The following MEGF11 variants were observed in gnomAD, a reference collection of about 807,000 sequenced individuals.
MEGF11 encodes multiple EGF like domains 11, also known as multiple epidermal growth factor-like domains protein 11.
Under a neutral mutation model 146.6 loss-of-function variants are expected in MEGF11, and 126 were observed. The observed-to-expected ratio is 0.86, with a 90% CI of 0.74 to 1.00. The LOEUF (loss-of-function observed/expected upper bound fraction) is 1.00. Ranked by LOEUF, MEGF11 falls within the 50% of genes least tolerant of loss-of-function variation. The pLI is 0.00. For synonymous variants in MEGF11, 532 were observed against 583.4 expected (o/e 0.91, Z 1.27); for missense variants, 1,509 against 1,521.2 (o/e 0.99, Z 0.13).
At chr15:66,053,510 C>A (rs1276388413) in intron 5 of MEGF11, among the ~76,000 whole-genome samples, 1 of 151,938 alleles carries the variant, frequency 6.6e-6, no homozygotes, top group Non-Finnish European at 1.5e-5. Flanking sequence ...GTTCCCCAAC[C>A]CAACAGCAGT....
At chr15:65,951,925 C>T (rs1276692178) in intron 10 of MEGF11, among the ~76,000 whole-genome samples, 2 of 151,688 alleles carry the variant, frequency 1.3e-5, no homozygotes, top group Non-Finnish European at 2.9e-5. Context: ...TCACTTGAGC[C>T]CAGGAGTTTG....
chr15:66,045,565 A>G (rs1567216236), intron 5 of MEGF11, among the ~76,000 whole-genome samples: 1 of 152,192 alleles, frequency 6.6e-6, no homozygotes, highest in Non-Finnish European at 1.5e-5. Flanking sequence ...CCTTGTAGCC[A>G]GGCAGGTCTG....
chr15:66,018,599 G>A (rs769426722), intron 5 of MEGF11, among the ~76,000 whole-genome samples: 2 of 152,184 alleles, frequency 1.3e-5, no homozygotes, highest in African/African-American at 2.4e-5. Context: ...GGGAGAGGGT[G>A]TGCGTGTGCA....
At chr15:65,918,504 C>A (rs370828753) in intron 15 of MEGF11, among the ~76,000 whole-genome samples, 1 of 152,194 alleles carries the variant, frequency 6.6e-6, no homozygotes, top group African/African-American at 2.4e-5. Flanking sequence ...TCCACAACCA[C>A]GAGGGTAGAG....
rs1484204024 is a variant in MEGF11, at chr15:66,228,547, G to A, written c.-9+25058C>T. 2.6e-5 allele frequency among the ~76,000 whole-genome samples: 4 copies of A among 152,276 alleles called. No homozygotes were observed. In the East Asian group the frequency reaches 5.8e-4, roughly 22 times the overall value. ...CCAGGCCAAGAGGCCTGCAGGGCAC[G>A]AGCTCTTGGGCCCCAGAAATAACAG... On this transcript the variant is annotated intron_variant, in intron 1 of 25. Transcript: ENST00000395614.
intron 5 of MEGF11, among the ~76,000 whole-genome samples, chr15:66,049,735 T>C (rs184855896): frequency 2.2e-4 from 34 of 152,160 alleles, no homozygotes; most frequent in Admixed American, 5.9e-4. Flanking sequence ...GCAGAAAGAG[T>C]GGCAACTGGG....
intron 1 of MEGF11, among the ~76,000 whole-genome samples, chr15:66,131,458 T>C (rs2140973609): frequency 6.6e-6 from 1 of 152,354 alleles, no homozygotes; most frequent in Non-Finnish European, 1.5e-5. Context: ...GGACTTGGAC[T>C]GGATGGTGTA....
intron 15 of MEGF11, among the ~76,000 whole-genome samples, chr15:65,921,313 G>A (rs1371298702): frequency 6.6e-6 from 1 of 152,110 alleles, no homozygotes; most frequent in African/African-American, 2.4e-5. Context: ...CTCCTTTCAG[G>A]TTAGAATGCA....
intron 5 of MEGF11, among the ~76,000 whole-genome samples, chr15:66,018,468 G>C (rs1202759124): frequency 1.3e-5 from 2 of 152,258 alleles, no homozygotes; most frequent in African/African-American, 4.8e-5. Context: ...TGTGGTTTCT[G>C]TGCAGTGCAT....
rs60932678 is a variant in MEGF11 at position 66,033,078 on chromosome 15, C to CAAAAAAAAAAAA, written c.395-50602_395-50591dup. 1.4e-3 allele frequency among the ~76,000 whole-genome samples: 112 copies of CAAAAAAAAAAAA among 80,602 alleles called. 1 individual carries two copies. The highest frequency in any genetic ancestry group is 2.8e-3 in the African/African-American group (52 of 18,672). 52.9% of individuals were successfully genotyped at this position (80,602 alleles called of 152,430 possible). ...CCTGGGTGACAGAGTGAGACTCCAT[C>CAAAAAAAAAAAA]AAAAAAAAAAAAAAAAAAAAAAAAA... is the stretch of plus-strand genomic sequence containing the variant. On this transcript the variant is annotated intron_variant, in intron 5 of 25. Transcript: ENST00000395614.
In MEGF11 at chr15:65,965,015, A is replaced by T. The variant is rs1259366629; in HGVS notation, c.1005T>A (p.Cys335Ter). The change falls in exon 9 of 26, where the codon TGT (cysteine) becomes TGA (stop). Residue 335 changes from cysteine (C) to a stop codon, truncating the protein, a stop_gained. Transcript: ENST00000395614. LOFTEE classifies it high-confidence loss of function. ...AGCGTGGGCCCTTGTAGCCAGGCTC[A>T]CACTCGCAGGCACCCGTGGTGGGTG... Reference protein sequence around the residue: ...QCSPTTGACECEPGYKGPRCQ... With the variant: ...QCSPTTGACE 1.3e-6 allele frequency: 2 copies of T among 1,575,182 alleles called. No homozygotes were observed. The highest frequency in any genetic ancestry group is 2.7e-5 in the African/African-American group (2 of 74,040).
intron 4 of MEGF11, among the ~76,000 whole-genome samples, chr15:66,118,310 G>T (rs1171557411): frequency 2.0e-5 from 3 of 152,054 alleles, no homozygotes; most frequent in Admixed American, 6.6e-5. Flanking sequence ...TAAGTGTCTT[G>T]CCGAAAGCCC....
chr15:66,222,771 T>C (rs2091767595), intron 1 of MEGF11, among the ~76,000 whole-genome samples: 1 of 152,116 alleles, frequency 6.6e-6, no homozygotes. Flanking sequence ...GAAATGCAAA[T>C]AAAAACCACT....
intron 5 of MEGF11, among the ~76,000 whole-genome samples, chr15:65,994,736 G>A (rs2082151687): frequency 6.6e-6 from 1 of 152,228 alleles, no homozygotes; most frequent in Non-Finnish European, 1.5e-5. Flanking sequence ...GGCCTGGCAG[G>A]AGGCTGTTCC....
At chr15:66,181,315 C>T (rs1567274750) in intron 1 of MEGF11, among the ~76,000 whole-genome samples, 1 of 152,130 alleles carries the variant, frequency 6.6e-6, no homozygotes, top group Non-Finnish European at 1.5e-5. Context: ...ACGGCTCACA[C>T]GGCTCACTGC....
chr15:66,185,393 TG>T (rs985461188), intron 1 of MEGF11, among the ~76,000 whole-genome samples: 1 of 152,216 alleles, frequency 6.6e-6, no homozygotes, highest in Non-Finnish European at 1.5e-5. Context: ...TTTGCTTTTG[TG>T]GGGTTTTTTT....
In MEGF11 at chr15:66,224,972, C is replaced by A. The variant is rs559560539; in HGVS notation, c.-9+28633G>T. ...TCTCCCCTTAGCCCAAGCACGCCAG[C>A]CCCTCTCCTCCTGGGAGGAAGGGTC... On this transcript the variant is annotated intron_variant, in intron 1 of 25. Coordinates refer to ENST00000395614, the MANE Select transcript of MEGF11 (RefSeq NM_001385028.1). Among the ~76,000 whole-genome samples, 66 of 152,246 alleles carry A rather than the reference C, an allele frequency of 4.3e-4. No individual in the cohort carries two copies. In the South Asian group the frequency reaches 0.013, roughly 30 times the overall value.
At chr15:66,062,625 A>T (rs1390724355) in intron 5 of MEGF11, among the ~76,000 whole-genome samples, 7 of 152,244 alleles carry the variant, frequency 4.6e-5, no homozygotes, top group African/African-American at 1.7e-4. Flanking sequence ...TGAGCAGAGG[A>T]GCCAGTTAAG....
At position 65,964,400 on chromosome 15, in the gene MEGF11, C is replaced by A. The variant is rs369236111; in HGVS notation, c.1112+508G>T. Among the ~76,000 whole-genome samples, 16 of 152,310 alleles carry A rather than the reference C, an allele frequency of 1.1e-4. No homozygotes were observed. In the East Asian group the frequency reaches 1.9e-3, roughly 18 times the overall value. On this transcript the variant is annotated intron_variant, in intron 9 of 25. Transcript: ENST00000395614. ...TCTGCTGGGACAACCCTCCTTAGGCCCTGGATGGCCCTCGTGATTTTTAAG... is the reference window on the plus strand; with the variant it reads ...TCTGCTGGGACAACCCTCCTTAGGCACTGGATGGCCCTCGTGATTTTTAAG...
Sources: gnomAD v4.1 joint callset for allele counts (sites outside exome capture counted in the v4.1 genomes callset) on GRCh38, gnomAD v4.1.1 for gene constraint, MANE v1.5 for transcripts, NCBI Gene and HGNC (gene_info 2026-07-23, HGNC 2026-07-21) for gene names.